CREB3L2: variants seen among roughly 807,000 people sequenced by gnomAD.
CREB3L2 encodes cyclic AMP-responsive element-binding protein 3-like protein 2.
A neutral mutation model predicts 57.2 loss-of-function variants in CREB3L2; 23 were observed. That is an observed-to-expected ratio of 0.40 (90% confidence interval 0.29 to 0.57). The LOEUF (loss-of-function observed/expected upper bound fraction) is 0.57, where lower values mean the gene tolerates loss of function less well. Among genes scored for constraint, CREB3L2 ranks in the 20% least tolerant of loss-of-function variants. The pLI, the probability that CREB3L2 is intolerant of heterozygous loss-of-function variation, is 0.42. For missense variants in CREB3L2, 628 were observed against 634.7 expected, an observed-to-expected ratio of 0.99 and a Z score of 0.11; for synonymous variants, 268 against 265.1, an observed-to-expected ratio of 1.01 and a Z score of -0.11.
intron 2 of CREB3L2, among the ~76,000 whole-genome samples, chr7:137,924,497 C>CA (rs1800406197): frequency 6.6e-6 from 1 of 152,190 alleles, no homozygotes; most frequent in Admixed American, 6.5e-5. Flanking sequence ...CTCATAAAGA[C>CA]AACCTCCATG....
chr7:137,905,034 C>T (rs1249258132), intron 6 of CREB3L2, among the ~76,000 whole-genome samples: 1 of 151,742 alleles, frequency 6.6e-6, no homozygotes, highest in African/African-American at 2.4e-5. Context: ...CTGCTGGTTC[C>T]GCACATGGAT....
rs1312496198 is a variant in CREB3L2 at position 138,001,685 on chromosome 7, C to G, written c.21G>C (p.Gly7=). ...GGTCCCACTGCAGCACGCCCTGCTC[C>G]CCGCTCTCCAGCACCTCCATGGCGG... MEVLES[G]EQGVLQWDRK... Residue 7 remains glycine (G), a synonymous_variant, in exon 1 of 12, where the codon GGG becomes GGC. Coordinates refer to ENST00000330387, the MANE Select transcript of CREB3L2 (RefSeq NM_194071.4). The surrounding 1 kb of genome is among the most constrained non-coding windows in gnomAD (Gnocchi z 4.2). The G allele has an allele frequency of 2.5e-6, 4 of 1,611,968 alleles. No homozygotes were observed. The highest frequency in any genetic ancestry group is 1.7e-5 in the Admixed American group (1 of 59,934).
At chr7:137,925,580 AG>A (rs1276831934) in intron 2 of CREB3L2, among the ~76,000 whole-genome samples, 2 of 152,196 alleles carry the variant, frequency 1.3e-5, no homozygotes, top group African/African-American at 4.8e-5. Flanking sequence ...TGGGTTTGGA[AG>A]GAATACTTGT....
At chr7:137,984,897 G>A (rs10231894) in intron 1 of CREB3L2, among the ~76,000 whole-genome samples, 6,321 of 152,264 alleles carry the variant, frequency 0.042, 449 homozygotes, top group African/African-American at 0.14. Context: ...ACGTAGCCCA[G>A]TAGAGAAGAG....
At chr7:137,884,858 T>C (rs954691624) in intron 10 of CREB3L2, 137 bp downstream of exon 10, 2 of 1,272,274 alleles carry the variant, frequency 1.6e-6, no homozygotes, top group African/African-American at 2.9e-5. Flanking sequence ...CCCACTTGCC[T>C]CTTCAAAGGG....
At chr7:137,964,959 G>A (rs189348503) in intron 1 of CREB3L2, among the ~76,000 whole-genome samples, 16 of 152,184 alleles carry the variant, frequency 1.1e-4, no homozygotes, top group African/African-American at 3.9e-4. Context: ...CGTGCCTTTT[G>A]CCTTCCGCCA....
intron 1 of CREB3L2, among the ~76,000 whole-genome samples, chr7:137,959,334 T>A (rs909269464): frequency 6.6e-5 from 10 of 152,192 alleles, no homozygotes; most frequent in African/African-American, 2.4e-4. Context: ...ACAGGACTAG[T>A]CTCTGGGTAA....
At chr7:137,986,840 A>G (rs1801800271) in intron 1 of CREB3L2, among the ~76,000 whole-genome samples, 1 of 152,244 alleles carries the variant, frequency 6.6e-6, no homozygotes, top group Admixed American at 6.5e-5. Context: ...CAGCTGAGAA[A>G]CCAAATGGTT....
rs556121586 is a variant in CREB3L2, at chr7:137,880,197, G to A, written c.*279C>T. ...TTTTTGGCACTATTGGTGGAAACAA[G>A]CCTGCTTGTCCCACCTCCAACCCCT... On this transcript the variant is annotated 3_prime_UTR_variant, in exon 12 of 12. Transcript: ENST00000330387. This position sits in a 1 kb window ranked among gnomAD's most constrained non-coding sequence, Gnocchi z 4.0. The A allele has an allele frequency of 2.1e-6, 1 of 482,730 alleles. No individual in the cohort carries two copies. Among genetic ancestry groups the A allele is most frequent in the East Asian group, 3.5e-5 (1 of 28,948 alleles). The allele number at this position is 482,730 out of a possible 1,614,324, so 29.9% of individuals were successfully genotyped here.
intron 1 of CREB3L2, among the ~76,000 whole-genome samples, chr7:137,944,844 T>A (rs1311801706): frequency 6.6e-6 from 1 of 152,172 alleles, no homozygotes; most frequent in Non-Finnish European, 1.5e-5. Context: ...ATTTCATAAA[T>A]GAATAATCAA....
intron 1 of CREB3L2, among the ~76,000 whole-genome samples, chr7:137,977,670 C>T (rs1801632512): frequency 6.6e-6 from 1 of 152,162 alleles, no homozygotes; most frequent in African/African-American, 2.4e-5. Flanking sequence ...CCTGTACGCC[C>T]AGCACTTTGG....
chr7:137,983,369 A>G (rs1332736528), intron 1 of CREB3L2, among the ~76,000 whole-genome samples: 2 of 152,246 alleles, frequency 1.3e-5, no homozygotes, highest in African/African-American at 4.8e-5. Context: ...AAGGGAAGAG[A>G]GGACAGAGAC....
At chr7:137,931,521 CA>C (rs59161952) in intron 1 of CREB3L2, among the ~76,000 whole-genome samples, 7,855 of 61,122 alleles carry the variant, frequency 0.13, 293 homozygotes, top group African/African-American at 0.24. Flanking sequence ...GACTCCGTCT[CA>C]AAAAAAAAAA....
Position 137,878,711 on chromosome 7 carries a change from G to C in CREB3L2, c.*1765C>G. 1 of 234,248 alleles carries C rather than the reference G, an allele frequency of 4.3e-6. No homozygotes were observed. The highest frequency in any genetic ancestry group is 6.0e-5 in the East Asian group (1 of 16,558). The allele number at this position is 234,248 out of a possible 1,614,324, so 14.5% of individuals were successfully genotyped here. A position where few individuals can be genotyped will look rare whatever the true frequency, so the allele number is the denominator to read the frequency against. On this transcript the variant is annotated 3_prime_UTR_variant, in exon 12 of 12. Coordinates refer to ENST00000330387, the MANE Select transcript of CREB3L2 (RefSeq NM_194071.4). ...CTTGGCCGCTTTCCAGGCTGGAACC[G>C]TCTCCAGCATAGCAGAGAGAGGGGA...
At chr7:137,949,861 G>A (rs1281819436) in intron 1 of CREB3L2, among the ~76,000 whole-genome samples, 6 of 152,150 alleles carry the variant, frequency 3.9e-5, no homozygotes, top group Non-Finnish European at 8.8e-5. Flanking sequence ...ACTCCAGGCC[G>A]AGTTGCTGGG....
At chr7:137,895,020 T>C (rs903660306) in intron 8 of CREB3L2, among the ~76,000 whole-genome samples, 1 of 152,158 alleles carries the variant, frequency 6.6e-6, no homozygotes, top group Non-Finnish European at 1.5e-5. Flanking sequence ...GTATCTCAAG[T>C]CTAAGCTCCT....
intron 1 of CREB3L2, among the ~76,000 whole-genome samples, chr7:137,952,878 C>T (rs1019793989): frequency 2.0e-5 from 3 of 152,110 alleles, no homozygotes; most frequent in African/African-American, 7.2e-5. Flanking sequence ...AGTGCAGTGG[C>T]GTGATCTTGG....
chr7:137,912,051 G>C (rs1297829670), intron 4 of CREB3L2, among the ~76,000 whole-genome samples: 3 of 152,080 alleles, frequency 2.0e-5, no homozygotes, highest in African/African-American at 7.2e-5. Flanking sequence ...AACTCAGAAA[G>C]AAACTGACAT....
chr7:137,960,390 T>A (rs978623660), intron 1 of CREB3L2, among the ~76,000 whole-genome samples: 4 of 152,176 alleles, frequency 2.6e-5, no homozygotes, highest in African/African-American at 9.7e-5. Context: ...TACATATGTG[T>A]GTGTTTATAC....
Sources: gnomAD v4.1 joint callset for allele counts (sites outside exome capture counted in the v4.1 genomes callset) on GRCh38, gnomAD v4.1.1 for gene constraint, Gnocchi (gnomAD v3.1) non-coding constraint, MANE v1.5 for transcripts, NCBI Gene and HGNC (gene_info 2026-07-23, HGNC 2026-07-21) for gene names.